Variants in ATP6V0C observed in about 807,000 individuals in gnomAD.
ATP6V0C encodes V-type proton ATPase 16 kDa proteolipid subunit c.
In ATP6V0C, 2 loss-of-function variants were observed where a neutral mutation model predicts 10.6. The observed-to-expected ratio is 0.19, with a 90% CI of 0.08 to 0.59. The LOEUF (loss-of-function observed/expected upper bound fraction) is 0.59, where lower values mean the gene tolerates loss of function less well. Ranked by LOEUF, ATP6V0C falls within the 20% of genes least tolerant of loss-of-function variation. The pLI is 0.90. For missense variants in ATP6V0C, 89 were observed against 225.9 expected (o/e 0.39, Z 3.88); for synonymous variants, 128 against 101.3 (o/e 1.26, Z -1.59).
At chr16:2,518,221 A>G (rs928941860) in intron 1 of ATP6V0C, among the ~76,000 whole-genome samples, 4 of 152,226 alleles carry the variant, frequency 2.6e-5, no homozygotes, top group Admixed American at 6.5e-5. Context: ...CAGAAAGGCA[A>G]ATGAGCCCCC....
In ATP6V0C at chr16:2,519,562, C is replaced by T. The variant is rs761344058; in HGVS notation, c.285C>T (p.Ala95=). 1.0e-5 allele frequency: 16 copies of T among 1,558,108 alleles called. No homozygotes were observed. Among genetic ancestry groups the T allele is most frequent in the South Asian group, 2.4e-5 (2 of 85,062 alleles). ...CCAGGAGCTTCCTCCAGCTGGGCGC[C>T]GGCCTGAGCGTGGGCCTGAGCGGCC... is the stretch of plus-strand genomic sequence containing the variant. The part of the protein sequence containing the change: ...SLYKSFLQLG[A]GLSVGLSGLA... Residue 95 remains alanine (A), a synonymous_variant, in exon 3 of 3, where the codon GCC becomes GCT. Coordinates refer to ENST00000330398, the MANE Select transcript of ATP6V0C (RefSeq NM_001694.4).
upstream of ATP6V0C, chr16:2,513,888 G>T (rs2065862575): frequency 2.1e-6 from 1 of 481,152 alleles, no homozygotes; most frequent in Non-Finnish European, 3.7e-6. Context: ...CCCCCACGGT[G>T]CGAAGTGGTA....
Position 2,514,007 on chromosome 16 carries a change from C to T in ATP6V0C, c.-97C>T, listed in dbSNP as rs1233198065. 17 of 1,179,392 alleles carry T rather than the reference C, an allele frequency of 1.4e-5. No individual in the cohort carries two copies. The East Asian group carries it at 2.9e-4, about 20-fold the overall frequency. The allele number at this position is 1,179,392 out of a possible 1,614,324, so 73.1% of individuals were successfully genotyped here. A position where few individuals can be genotyped will look rare whatever the true frequency, so the allele number is the denominator to read the frequency against. On this transcript the variant is annotated 5_prime_UTR_variant, in exon 1 of 3. Transcript: ENST00000330398. ...GGCTGACGGGCCGGATCGCCTTCGC[C>T]GCCGCCCGCCCGCAAACCTTCGTGC...
Position 2,519,889 on chromosome 16 carries a change from C to G in ATP6V0C, c.*144C>G, listed in dbSNP as rs1397010400. The stretch of plus-strand genomic sequence containing the variant: ...TGCGCAGTGTCCTAGTGCCCATCGT[C>G]TGTTTCCCCGGCCTTGCCCCCGCCC... On this transcript the variant is annotated 3_prime_UTR_variant, in exon 3 of 3. Transcript: ENST00000330398. 2 of 1,188,974 alleles carry G rather than the reference C, an allele frequency of 1.7e-6. No homozygotes were observed. The highest frequency in any genetic ancestry group is 1.2e-6 in the Non-Finnish European group (1 of 825,276). 73.7% of individuals were successfully genotyped at this position (1,188,974 alleles called of 1,614,324 possible).
At position 2,519,315 on chromosome 16, in the gene ATP6V0C, G is replaced by A. The variant is rs760616550; in HGVS notation, c.177G>A (p.Val59=). ...AGATCATGAAGTCCATCATCCCAGT[G>A]GTCATGGCTGGCATCATCGCCATCT... is the stretch of plus-strand genomic sequence containing the variant. ...PEQIMKSIIP[V]VMAGIIAIYG... The change falls in exon 2 of 3, where the codon GTG becomes GTA. Residue 59 remains valine, a synonymous_variant. Coordinates refer to ENST00000330398, the MANE Select transcript of ATP6V0C (RefSeq NM_001694.4). The A allele has an allele frequency of 2.4e-5, 39 of 1,614,078 alleles. No homozygotes were observed. The highest frequency in any genetic ancestry group is 3.1e-5 in the Non-Finnish European group (36 of 1,180,016).
At chr16:2,514,237 C>T (rs1452525590) in intron 1 of ATP6V0C, 55 bp downstream of exon 1, 26 of 1,478,468 alleles carry the variant, frequency 1.8e-5, no homozygotes, top group East Asian at 8.3e-5. Context: ...TTGCTCATGC[C>T]CGCAGCTCGC....
chr16:2,515,145 G>A (rs1043922058), intron 1 of ATP6V0C, among the ~76,000 whole-genome samples: 3 of 152,110 alleles, frequency 2.0e-5, no homozygotes, highest in African/African-American at 7.2e-5. Flanking sequence ...TTTGAAATTG[G>A]GCCTTGACAG....
chr16:2,519,863 A>G lies in ATP6V0C; in HGVS notation c.*118A>G, dbSNP rs886583469. On this transcript the variant is annotated 3_prime_UTR_variant, in exon 3 of 3. Transcript: ENST00000330398. ...CCGCCCCCAGTAGTTGGTCTTGTAC[A>G]TGCGCAGTGTCCTAGTGCCCATCGT... is the stretch of plus-strand genomic sequence containing the variant. The G allele has an allele frequency of 2.0e-5, 26 of 1,326,532 alleles. No individual in the cohort carries two copies. The African/African-American group carries it at 2.0e-4, about 10-fold the overall frequency. The allele number at this position is 1,326,532 out of a possible 1,614,324, so 82.2% of individuals were successfully genotyped here. A position where few individuals can be genotyped will look rare whatever the true frequency, so the allele number is the denominator to read the frequency against.
Position 2,514,057 on chromosome 16 carries a change from CGCCACCGCCTCG to C in ATP6V0C, c.-43_-32del. 3 of 1,520,468 alleles carry C rather than the reference CGCCACCGCCTCG, an allele frequency of 2.0e-6. No homozygotes were observed. The highest frequency in any genetic ancestry group is 2.7e-6 in the Non-Finnish European group (3 of 1,128,326). 94.2% of individuals were successfully genotyped at this position (1,520,468 alleles called of 1,614,324 possible). A position where few individuals can be genotyped will look rare whatever the true frequency, so the allele number is the denominator to read the frequency against. ...CCCGGCCCGTCCTCGCCCCCGCCTC[CGCCACCGCCTCG>C]GCCCGCAGAGCTTGCCCCCTCCCCA... On this transcript the variant is annotated 5_prime_UTR_variant, in exon 1 of 3. Transcript: ENST00000330398.
In ATP6V0C at chr16:2,519,026, C is replaced by T. The variant is rs942017603; in HGVS notation, c.80-192C>T. On this transcript the variant is annotated intron_variant, in intron 1 of 2. Transcript: ENST00000330398. ...CGTAGAGGAAGGAGGAGTGGCTGTC[C>T]TGGCCTCCTTTTGCTTGCCCGTGGC... 1.5e-5 allele frequency: 9 copies of T among 587,590 alleles called. No individual in the cohort carries two copies. The Admixed American group carries it at 2.7e-4, about 18-fold the overall frequency. 36.4% of individuals were successfully genotyped at this position (587,590 alleles called of 1,614,324 possible).
At position 2,514,085 on chromosome 16, in the gene ATP6V0C, C is replaced by A. The variant is rs1026304344; in HGVS notation, c.-19C>A. The A allele has an allele frequency of 1.3e-6, 2 of 1,562,984 alleles. No homozygotes were observed. Among genetic ancestry groups the A allele is most frequent in the African/African-American group, 2.8e-5 (2 of 71,042 alleles). ...CACCGCCTCGGCCCGCAGAGCTTGC[C>A]CCCTCCCCACCCGCAGACATGTCCG... On this transcript the variant is annotated 5_prime_UTR_variant, in exon 1 of 3. Coordinates refer to ENST00000330398, the MANE Select transcript of ATP6V0C (RefSeq NM_001694.4).
rs771258996 is a variant in ATP6V0C at position 2,519,533 on chromosome 16, G to A, written c.264-8G>A. 15 of 1,542,244 alleles carry A rather than the reference G, an allele frequency of 9.7e-6. No individual in the cohort carries two copies. The highest frequency in any genetic ancestry group is 9.6e-5 in the African/African-American group (7 of 73,106). Reference sequence around the variant, plus strand: ...CTGCTGATGTCAGTCCTCTCTTCTCGCCCCCAGGAGCTTCCTCCAGCTGGG... The same window carrying A: ...CTGCTGATGTCAGTCCTCTCTTCTCACCCCCAGGAGCTTCCTCCAGCTGGG... On this transcript the variant is annotated splice_region_variant and splice_polypyrimidine_tract_variant and intron_variant, in intron 2 of 2. Coordinates refer to ENST00000330398, the MANE Select transcript of ATP6V0C (RefSeq NM_001694.4).
upstream of ATP6V0C, chr16:2,513,796 G>T: frequency 5.2e-6 from 1 of 192,000 alleles, no homozygotes; most frequent in Non-Finnish European, 1.1e-5. Flanking sequence ...GGGCGGGGCC[G>T]GGCGCCGGGG....
intron 1 of ATP6V0C, chr16:2,514,513 T>TG (rs1232977722): frequency 1.0e-4 from 1 of 9,640 alleles, no homozygotes; most frequent in Non-Finnish European, 2.3e-4. Flanking sequence ...GAGGCTGGGG[T>TG]GGGGGCGCGA....
At position 2,519,090 on chromosome 16, in the gene ATP6V0C, T is replaced by C. The variant is rs2065893564; in HGVS notation, c.80-128T>C. On this transcript the variant is annotated intron_variant, in intron 1 of 2. Coordinates refer to ENST00000330398, the MANE Select transcript of ATP6V0C (RefSeq NM_001694.4). ...TCCTCTTGCCCTGGGCTGGATGCCT[T>C]CTTCGGCTCCCCCTCTGCATGTGAT... is the stretch of plus-strand genomic sequence containing the variant. 17 of 1,166,260 alleles carry C rather than the reference T, an allele frequency of 1.5e-5. No individual in the cohort carries two copies. The East Asian group carries it at 3.0e-4, about 21-fold the overall frequency. The allele number at this position is 1,166,260 out of a possible 1,614,324, so 72.2% of individuals were successfully genotyped here.
chr16:2,514,088 C>G lies in ATP6V0C; in HGVS notation c.-16C>G. ...CGCCTCGGCCCGCAGAGCTTGCCCCCTCCCCACCCGCAGACATGTCCGAGT... is the reference window on the plus strand; with the variant it reads ...CGCCTCGGCCCGCAGAGCTTGCCCCGTCCCCACCCGCAGACATGTCCGAGT... On this transcript the variant is annotated 5_prime_UTR_variant, in exon 1 of 3. Coordinates refer to ENST00000330398, the MANE Select transcript of ATP6V0C (RefSeq NM_001694.4). The G allele has an allele frequency of 6.4e-7, 1 of 1,567,926 alleles. No homozygotes were observed.
chr16:2,517,713 T>TTGTGTG (rs142726423), intron 1 of ATP6V0C: 5,197 of 141,566 alleles, frequency 0.037, 127 homozygotes, highest in South Asian at 0.055. Flanking sequence ...GTCAGGCTGT[T>TTGTGTG]TGTGTGTGTG....
chr16:2,518,663 G>T (rs540256998), intron 1 of ATP6V0C, among the ~76,000 whole-genome samples: 38 of 152,326 alleles, frequency 2.5e-4, no homozygotes, highest in African/African-American at 8.2e-4. Context: ...AATATTTGGG[G>T]CTGGGAGCGT....
chr16:2,516,630 C>T (rs2065878337), intron 1 of ATP6V0C: 1 of 152,470 alleles, frequency 6.6e-6, no homozygotes, highest in Non-Finnish European at 1.5e-5. Flanking sequence ...TGCAGGCCCC[C>T]GTCCCAGCTT....
Sources: allele counts gnomAD v4.1 joint callset (sites outside exome capture counted in the v4.1 genomes callset), GRCh38; gene constraint gnomAD v4.1.1; transcripts MANE v1.5; gene names NCBI Gene and HGNC (gene_info 2026-07-23, HGNC 2026-07-21).